The following ALG11 variants were observed in gnomAD, a reference collection of about 807,000 sequenced individuals.
The protein encoded by ALG11 is ALG11 alpha-1,2-mannosyltransferase.
A neutral mutation model predicts 38.8 loss-of-function variants in ALG11; 26 were observed. The ratio of observed to expected loss-of-function variants is 0.67; its 90% CI spans 0.49 to 0.93. The LOEUF (loss-of-function observed/expected upper bound fraction) is 0.93, where lower values mean the gene tolerates loss of function less well. ALG11 is among the 40% of genes least tolerant of loss of function. The pLI, the probability that ALG11 is intolerant of heterozygous loss-of-function variation, is 0.00. For synonymous variants in ALG11, 199 were observed against 211.6 expected (o/e 0.94, Z 0.52); for missense variants, 535 against 578.8 (o/e 0.92, Z 0.78).
intron 1 of ALG11, among the ~76,000 whole-genome samples, chr13:52,013,554 A>C (rs1954106336): frequency 6.6e-6 from 1 of 152,242 alleles, no homozygotes; most frequent in South Asian, 2.1e-4. Flanking sequence ...AATGTTTAAT[A>C]GTTCAGTTTG....
In ALG11 at chr13:52,031,908, G is replaced by C. The variant is rs960371290; in HGVS notation, c.*3318G>C. 1 of 167,076 alleles carries C rather than the reference G, an allele frequency of 6.0e-6. No individual in the cohort carries two copies. The highest frequency in any genetic ancestry group is 1.5e-5 in the Non-Finnish European group (1 of 68,126). 10.3% of individuals were successfully genotyped at this position (167,076 alleles called of 1,614,324 possible). On this transcript the variant is annotated 3_prime_UTR_variant, in exon 4 of 4. Transcript: ENST00000521508. ...TAGAGTTGGAATGAGATGGAAAGTA[G>C]ATGAAACTACTTTGAAAATTACGAC...
rs1954296048 is a variant in ALG11, at chr13:52,030,824, A to G, written c.*2234A>G. 1.2e-6 allele frequency: 2 copies of G among 1,614,088 alleles called. No individual in the cohort carries two copies. The highest frequency in any genetic ancestry group is 1.7e-5 in the Admixed American group (1 of 60,008). On this transcript the variant is annotated 3_prime_UTR_variant, in exon 4 of 4. Coordinates refer to ENST00000521508, the MANE Select transcript of ALG11 (RefSeq NM_001004127.3). The stretch of plus-strand genomic sequence containing the variant: ...TGTGATTATCAGTGAGAAGCGCAAC[A>G]TCCACGCAGCAGCTCATCAGGTACA...
chr13:52,022,568 A>T (rs1389058208), intron 2 of ALG11: 1 of 152,258 alleles, frequency 6.6e-6, no homozygotes, highest in East Asian at 1.9e-4. Context: ...AATGCGTAGC[A>T]CACAGTTTTG....
chr13:52,013,476 TTAAA>T (rs1954105413), intron 1 of ALG11, among the ~76,000 whole-genome samples: 1 of 152,238 alleles, frequency 6.6e-6, no homozygotes, highest in Non-Finnish European at 1.5e-5. Context: ...ATTATAATGT[TTAAA>T]TAAACTCACT....
chr13:52,014,849 C>T (rs1423109252), intron 1 of ALG11, among the ~76,000 whole-genome samples: 2 of 152,160 alleles, frequency 1.3e-5, no homozygotes, highest in East Asian at 3.8e-4. Context: ...CTGATGTAAA[C>T]AAAAGCTCTA....
chr13:52,028,869 C>G lies in ALG11; in HGVS notation c.*279C>G. 1.9e-6 allele frequency: 3 copies of G among 1,614,120 alleles called. 1 individual carries two copies. In the East Asian group the frequency reaches 6.7e-5, roughly 36 times the overall value. ...CACCAGGAAGAACTAGTGGATTTGC[C>G]AAAAAACTACCCCTTGAGTGAAAAT... On this transcript the variant is annotated 3_prime_UTR_variant, in exon 4 of 4. Coordinates refer to ENST00000521508, the MANE Select transcript of ALG11 (RefSeq NM_001004127.3).
At chr13:52,018,479 A>C (rs190179442) in intron 1 of ALG11, among the ~76,000 whole-genome samples, 1 of 152,360 alleles carries the variant, frequency 6.6e-6, no homozygotes, top group East Asian at 1.9e-4. Flanking sequence ...AAGATTTACT[A>C]TCTTACCAGA....
chr13:52,019,076 C>T lies in ALG11; in HGVS notation c.208C>T (p.Pro70Ser). Reference protein sequence around the residue: ...KNQMVIAFFHPYCNAGGGGER... With the variant: ...KNQMVIAFFHSYCNAGGGGER... ...TCAAATGGTGATTGCATTTTTTCAT[C>T]CATACTGCAATGCTGGTGGAGGAGG... Residue 70 changes from proline (P) to serine (S), a missense_variant, in exon 2 of 4, where the codon CCA becomes TCA. By Grantham distance (74) the Pro-to-Ser change is moderately conservative. Transcript: ENST00000521508. The T allele has an allele frequency of 6.2e-7, 1 of 1,614,020 alleles. No individual in the cohort carries two copies. Among genetic ancestry groups the T allele is most frequent in the Non-Finnish European group, 8.5e-7 (1 of 1,179,980 alleles).
At chr13:52,020,296 A>G (rs1954173667) in intron 2 of ALG11, among the ~76,000 whole-genome samples, 1 of 152,150 alleles carries the variant, frequency 6.6e-6, no homozygotes. Flanking sequence ...TTTAGAAAGG[A>G]AAAAGCATAG....
In ALG11 at chr13:52,012,430, C is replaced by A. The variant is rs2140808187; in HGVS notation, c.12C>A (p.Gly4=). 1 of 1,614,096 alleles carries A rather than the reference C, an allele frequency of 6.2e-7. No homozygotes were observed. The highest frequency in any genetic ancestry group is 8.5e-7 in the Non-Finnish European group (1 of 1,180,020). Residue 4 remains glycine, a synonymous_variant, in exon 1 of 4, where the codon GGC becomes GGA. Coordinates refer to ENST00000521508, the MANE Select transcript of ALG11 (RefSeq NM_001004127.3). MAA[G]ERSWCLCKLL... is the part of the protein sequence containing the mutation. ...GGGGTCGGCGGAAGATGGCGGCCGG[C>A]GAAAGGAGCTGGTGCCTGTGCAAGT...
chr13:52,021,557 T>TC (rs1954184006), intron 2 of ALG11: 1 of 152,376 alleles, frequency 6.6e-6, no homozygotes, highest in Non-Finnish European at 1.5e-5. Context: ...GGAGGCAGGT[T>TC]CCAGATCACA....
intron 1 of ALG11, among the ~76,000 whole-genome samples, chr13:52,013,791 G>A (rs1408791815): frequency 6.6e-6 from 1 of 152,208 alleles, no homozygotes; most frequent in African/African-American, 2.4e-5. Context: ...TTAAGGCAGT[G>A]GTTCTCAAAT....
rs1168666320 is a variant in ALG11, at chr13:52,028,891, A to C, written c.*301A>C. The C allele has an allele frequency of 1.9e-6, 3 of 1,614,254 alleles. No individual in the cohort carries two copies. In the South Asian group the frequency reaches 3.3e-5, roughly 18 times the overall value. On this transcript the variant is annotated 3_prime_UTR_variant, in exon 4 of 4. Transcript: ENST00000521508. ...TGCCAAAAAACTACCCCTTGAGTGA[A>C]AATGAAGATGAGGGGGACAGTGATG...
rs1283091806 is a variant in ALG11, at chr13:52,024,956, C to G, written c.1207+19C>G. ...GGGATTGGTGAGTTTGGCCTTTAAA[C>G]AACTTGTTTGGTGCCATGAGATACA... is the stretch of plus-strand genomic sequence containing the variant. On this transcript the variant is annotated intron_variant, in intron 3 of 3. Transcript: ENST00000521508. The G allele has an allele frequency of 6.3e-7, 1 of 1,599,956 alleles. No homozygotes were observed. Among genetic ancestry groups the G allele is most frequent in the Non-Finnish European group, 8.5e-7 (1 of 1,175,790 alleles).
At chr13:52,025,240 C>T (rs143531074) in intron 3 of ALG11, among the ~76,000 whole-genome samples, 343 of 152,274 alleles carry the variant, frequency 2.3e-3, no homozygotes, top group African/African-American at 6.5e-3. Flanking sequence ...AATAAAGAAA[C>T]TCAGGCACAG....
chr13:52,031,232 A>T lies in ALG11; in HGVS notation c.*2642A>T, dbSNP rs939076504. On this transcript the variant is annotated 3_prime_UTR_variant, in exon 4 of 4. Coordinates refer to ENST00000521508, the MANE Select transcript of ALG11 (RefSeq NM_001004127.3). ...TGCATGTAGTTGAGCCACATTTTTT[A>T]AAAAAAGAAAATGGATGACCATTAA... The T allele has an allele frequency of 6.5e-6, 9 of 1,378,456 alleles. No individual in the cohort carries two copies. The highest frequency in any genetic ancestry group is 2.4e-5 in the East Asian group (1 of 41,362). 85.4% of individuals were successfully genotyped at this position (1,378,456 alleles called of 1,614,324 possible).
chr13:52,014,718 G>A (rs941744944), intron 1 of ALG11, among the ~76,000 whole-genome samples: 2 of 151,804 alleles, frequency 1.3e-5, no homozygotes, highest in African/African-American at 2.4e-5. Flanking sequence ...TGATTGGGAG[G>A]GTGCTACTGG....
At chr13:52,018,700 C>T (rs986739713) in intron 1 of ALG11, among the ~76,000 whole-genome samples, 1 of 152,118 alleles carries the variant, frequency 6.6e-6, no homozygotes, top group Admixed American at 6.5e-5. Context: ...TAACATGCTA[C>T]AGGAATTGGA....
intron 1 of ALG11, among the ~76,000 whole-genome samples, chr13:52,014,877 T>C (rs943652797): frequency 2.0e-5 from 3 of 152,194 alleles, no homozygotes; most frequent in Non-Finnish European, 4.4e-5. Flanking sequence ...CTCAGTAAAA[T>C]TTTTAAGAGT....
Sources: gnomAD v4.1 joint callset for allele counts (sites outside exome capture counted in the v4.1 genomes callset) on GRCh38, gnomAD v4.1.1 for gene constraint, MANE v1.5 for transcripts, NCBI Gene and HGNC (gene_info 2026-07-23, HGNC 2026-07-21) for gene names.